PCLO: variants seen among roughly 807,000 people sequenced by gnomAD.
The protein encoded by PCLO is piccolo presynaptic cytomatrix protein.
A neutral mutation model predicts 427.5 loss-of-function variants in PCLO; 82 were observed. The observed-to-expected ratio is 0.19, with a 90% confidence interval of 0.16 to 0.23. PCLO has a LOEUF of 0.23. PCLO is among the 10% of genes least tolerant of loss of function. The pLI is 1.00. For missense variants in PCLO, 6,239 were observed against 6,115.9 expected, an observed-to-expected ratio of 1.02 and a Z score of -0.67; for synonymous variants, 2,357 against 2,155.4, an observed-to-expected ratio of 1.09 and a Z score of -2.59.
intron 3 of PCLO, among the ~76,000 whole-genome samples, chr7:82,993,288 G>C (rs1025146880): frequency 6.6e-6 from 1 of 151,962 alleles, no homozygotes; most frequent in East Asian, 1.9e-4. Context: ...ATATAAAAAA[G>C]TGAAAGATCT....
chr7:82,989,691 T>C (rs1490456156), intron 3 of PCLO, among the ~76,000 whole-genome samples: 1 of 152,190 alleles, frequency 6.6e-6, no homozygotes, highest in Non-Finnish European at 1.5e-5. Flanking sequence ...AGTTACCAGA[T>C]ATATAATCTC....
At chr7:83,113,861 T>C (rs1165119087) in intron 3 of PCLO, among the ~76,000 whole-genome samples, 1 of 152,112 alleles carries the variant, frequency 6.6e-6, no homozygotes, top group African/African-American at 2.4e-5. Context: ...AATAAGGTGG[T>C]CAGAGTAGAC....
intron 3 of PCLO, among the ~76,000 whole-genome samples, chr7:83,043,899 T>G (rs543759127): frequency 7.0e-6 from 1 of 143,444 alleles, no homozygotes; most frequent in African/African-American, 2.6e-5. Context: ...CTCAATCTTA[T>G]TACTATTATT....
intron 3 of PCLO, among the ~76,000 whole-genome samples, chr7:83,081,440 G>T (rs1790097772): frequency 6.6e-6 from 1 of 151,722 alleles, no homozygotes. Flanking sequence ...ATATCACCAT[G>T]GTGCCACATA....
At chr7:82,977,080 G>A (rs1288222894) in intron 3 of PCLO, among the ~76,000 whole-genome samples, 1 of 151,858 alleles carries the variant, frequency 6.6e-6, no homozygotes, top group East Asian at 1.9e-4. Context: ...TTAAAGGAGT[G>A]TATATTTACA....
At chr7:82,926,686 T>G (rs1794720046) in intron 6 of PCLO, among the ~76,000 whole-genome samples, 1 of 152,200 alleles carries the variant, frequency 6.6e-6, no homozygotes, top group Non-Finnish European at 1.5e-5. Context: ...AGCAGAAAAC[T>G]AGTTTCTACC....
At position 82,956,135 on chromosome 7, in the gene PCLO, C is replaced by T. The variant is rs770118067; in HGVS notation, c.4818G>A (p.Gly1606=). 2 of 1,608,842 alleles carry T rather than the reference C, an allele frequency of 1.2e-6. No individual in the cohort carries two copies. Among genetic ancestry groups the T allele is most frequent in the African/African-American group, 1.3e-5 (1 of 75,008 alleles). The change falls in exon 5 of 25, where the codon GGG becomes GGA. Residue 1606 remains glycine, a synonymous_variant. Transcript: ENST00000333891. ...TTTTTCGAGTCAGTCGTCTGTGTTT[C>T]CCTGCTGTTATTTTGCCTTTTCCCT... ...ETKGKGKITA[G]KHRRLTRKSS... is the part of the protein sequence containing the mutation.
intron 3 of PCLO, among the ~76,000 whole-genome samples, chr7:82,982,151 T>C (rs1796160535): frequency 6.6e-6 from 1 of 152,124 alleles, no homozygotes; most frequent in Admixed American, 6.6e-5. Flanking sequence ...TCACCAGATA[T>C]TGTATTGCGT....
chr7:83,067,538 A>T (rs1408768124), intron 3 of PCLO, among the ~76,000 whole-genome samples: 2 of 152,114 alleles, frequency 1.3e-5, no homozygotes, highest in Non-Finnish European at 2.9e-5. Context: ...GTTCTTCACC[A>T]CTGAATCCCC....
chr7:83,028,178 C>A (rs1376677409), intron 3 of PCLO, among the ~76,000 whole-genome samples: 1 of 152,156 alleles, frequency 6.6e-6, no homozygotes, highest in African/African-American at 2.4e-5. Flanking sequence ...TCCCTCTTTG[C>A]AGATGACATG....
intron 1 of PCLO, among the ~76,000 whole-genome samples, chr7:83,157,869 A>G: frequency 6.6e-6 from 1 of 152,160 alleles, no homozygotes; most frequent in South Asian, 2.1e-4. Context: ...TATCAGAATA[A>G]AGATTTATAG....
At chr7:83,059,354 T>TAAAAA (rs1356917619) in intron 3 of PCLO, among the ~76,000 whole-genome samples, 3 of 90,426 alleles carry the variant, frequency 3.3e-5, no homozygotes, top group Admixed American at 1.2e-4. Flanking sequence ...TATACACCTT[T>TAAAAA]AAAATATATA....
Position 82,756,507 on chromosome 7 carries a change from T to C in PCLO, c.*2068A>G, listed in dbSNP as rs1387019563. On this transcript the variant is annotated 3_prime_UTR_variant, in exon 25 of 25. Coordinates refer to ENST00000333891, the MANE Select transcript of PCLO (RefSeq NM_033026.6). Reference sequence around the variant, plus strand: ...AAAAGTTATGGTTATCTTTCTCAGTTTGGGGAAGATCGAATTTGTATTCTG... The same window carrying C: ...AAAAGTTATGGTTATCTTTCTCAGTCTGGGGAAGATCGAATTTGTATTCTG... 1 of 150,686 alleles carries C rather than the reference T, an allele frequency of 6.6e-6. No individual in the cohort carries two copies. The highest frequency in any genetic ancestry group is 2.4e-5 in the African/African-American group (1 of 41,030). The allele number at this position is 150,686 out of a possible 1,614,324, so 9.3% of individuals were successfully genotyped here.
intron 10 of PCLO, among the ~76,000 whole-genome samples, chr7:82,876,518 C>G (rs1271922491): frequency 6.6e-6 from 1 of 150,666 alleles, no homozygotes; most frequent in African/African-American, 2.5e-5. Context: ...AGTAAATGTA[C>G]TGGTCTAAAC....
chr7:83,022,742 C>A (rs1459393956), intron 3 of PCLO, among the ~76,000 whole-genome samples: 1 of 152,008 alleles, frequency 6.6e-6, no homozygotes, highest in African/African-American at 2.4e-5. Context: ...TGAATGAGTT[C>A]TTTAAATTAG....
chr7:83,086,224 C>T (rs372844050), intron 3 of PCLO, among the ~76,000 whole-genome samples: 2 of 152,106 alleles, frequency 1.3e-5, no homozygotes, highest in East Asian at 1.9e-4. Context: ...GATTCTCTTG[C>T]CTCAGCCTCT....
intron 11 of PCLO, 88 bp from the exon 12 acceptor site, chr7:82,846,722 T>C (rs1424411704): frequency 5.2e-6 from 4 of 772,282 alleles, no homozygotes; most frequent in Non-Finnish European, 8.4e-6. Flanking sequence ...ATTTTTTTCA[T>C]AGGTAAATGA....
Position 83,135,420 on chromosome 7 carries a change from T to G in PCLO, c.2130A>C (p.Pro710=). 1 of 1,613,820 alleles carries G rather than the reference T, an allele frequency of 6.2e-7. No individual in the cohort carries two copies. The highest frequency in any genetic ancestry group is 1.1e-5 in the South Asian group (1 of 91,062). Residue 710 remains proline (P), a synonymous_variant, in exon 3 of 25, where the codon CCA becomes CCC. Coordinates refer to ENST00000333891, the MANE Select transcript of PCLO (RefSeq NM_033026.6). ...TGGCTGAAGGAGAGCCATGAAGGGTTGGTTGTTTCACTAGTGGTGGTGGCT... is the reference window on the plus strand; with the variant it reads ...TGGCTGAAGGAGAGCCATGAAGGGTGGGTTGTTTCACTAGTGGTGGTGGCT... ...PKKPPPLVKQ[P]TLHGSPSAKA...
chr7:83,000,440 G>A (rs951217722), intron 3 of PCLO, among the ~76,000 whole-genome samples: 5 of 151,910 alleles, frequency 3.3e-5, no homozygotes, highest in African/African-American at 1.2e-4. Flanking sequence ...GTTAAAAGAA[G>A]TCCTTTAGAC....
Sources: gnomAD v4.1 joint callset for allele counts (sites outside exome capture counted in the v4.1 genomes callset) on GRCh38, gnomAD v4.1.1 for gene constraint, MANE v1.5 for transcripts, NCBI Gene and HGNC (gene_info 2026-07-23, HGNC 2026-07-21) for gene names.